MIOS: variants seen among roughly 807,000 people sequenced by gnomAD.
MIOS encodes meiosis regulator for oocyte development.
In MIOS, 52 loss-of-function variants were observed where a neutral mutation model predicts 96.9. The observed-to-expected ratio is 0.54, with a 90% CI of 0.43 to 0.68. The LOEUF (loss-of-function observed/expected upper bound fraction) is 0.68, where lower values mean the gene tolerates loss of function less well. Among genes scored for constraint, MIOS ranks in the 30% least tolerant of loss-of-function variants. The pLI is 0.00. For synonymous variants in MIOS, 397 were observed against 359.5 expected (o/e 1.10, Z -1.18); for missense variants, 1,005 against 1,052.8 (o/e 0.95, Z 0.63).
chr7:7,592,088 G>A (rs112047858), intron 9 of MIOS, among the ~76,000 whole-genome samples: 5,155 of 151,802 alleles, frequency 0.034, 292 homozygotes, highest in African/African-American at 0.12. Flanking sequence ...TCAAGCATTC[G>A]AGTGATTCTC....
intron 9 of MIOS, among the ~76,000 whole-genome samples, chr7:7,592,268 C>A (rs1299359769): frequency 6.6e-6 from 1 of 152,210 alleles, no homozygotes; most frequent in African/African-American, 2.4e-5. Context: ...GGATTACAGG[C>A]GCAAGCCGCT....
chr7:7,604,491 A>C (rs1027756551), intron 11 of MIOS, among the ~76,000 whole-genome samples: 3 of 152,116 alleles, frequency 2.0e-5, no homozygotes, highest in African/African-American at 7.3e-5. Context: ...CAAGTGCTAG[A>C]AATGTTACAG....
intron 5 of MIOS, among the ~76,000 whole-genome samples, chr7:7,577,084 A>G (rs1783559426): frequency 6.6e-6 from 1 of 152,214 alleles, no homozygotes; most frequent in South Asian, 2.1e-4. Flanking sequence ...TGTCAGAAAT[A>G]AATGATATTT....
At chr7:7,604,509 G>A (rs2108064) in intron 11 of MIOS, among the ~76,000 whole-genome samples, 145,120 of 151,988 alleles carry the variant, frequency 0.95, 69,258 homozygotes, top group East Asian at 1. Flanking sequence ...CAGTAAAGAA[G>A]ACAAAAATCG....
rs1784593384 is a variant in MIOS at position 7,608,725 on chromosome 7, T to C, written c.*1633T>C. ...AAATATGAAAGTCAGCTTTAAGTAA[T>C]GTCAGACTCATATGCATTTTCATTC... On this transcript the variant is annotated 3_prime_UTR_variant, in exon 13 of 13. Coordinates refer to ENST00000340080, the MANE Select transcript of MIOS (RefSeq NM_019005.4). The C allele has an allele frequency of 6.6e-6, 1 of 152,108 alleles. No homozygotes were observed. Among genetic ancestry groups the C allele is most frequent in the Non-Finnish European group, 1.5e-5 (1 of 67,946 alleles). 9.4% of individuals were successfully genotyped at this position (152,108 alleles called of 1,614,324 possible).
chr7:7,595,500 C>T (rs1264400314), intron 10 of MIOS, among the ~76,000 whole-genome samples: 1 of 152,046 alleles, frequency 6.6e-6, no homozygotes, highest in Non-Finnish European at 1.5e-5. Context: ...AGCAGTATTA[C>T]CTATATCTAT....
At position 7,572,718 on chromosome 7, in the gene MIOS, A is replaced by T; in HGVS notation, c.243A>T (p.Gly81=). 1 of 1,614,156 alleles carries T rather than the reference A, an allele frequency of 6.2e-7. No homozygotes were observed. Among genetic ancestry groups the T allele is most frequent in the Non-Finnish European group, 8.5e-7 (1 of 1,180,010 alleles). ...ATCCTGAATGTCTGCTGGCAGTTGG[A>T]CAAGCAAATGGTCGAGTTGTACTTA... The part of the protein sequence containing the change: ...NYDPECLLAV[G]QANGRVVLTS... Residue 81 remains glycine, a synonymous_variant, in exon 4 of 13, where the codon GGA becomes GGT. Transcript: ENST00000340080. This position sits in a 1 kb window ranked among gnomAD's most constrained non-coding sequence, Gnocchi z 4.8.
chr7:7,596,232 A>T (rs775968339), intron 10 of MIOS, 25 bp from the exon 11 acceptor site: 1 of 1,602,322 alleles, frequency 6.2e-7, no homozygotes, highest in Non-Finnish European at 8.5e-7. Context: ...CATTACATTT[A>T]TTTTTTCTTT....
At chr7:7,594,855 CT>C in intron 9 of MIOS, 124 bp from the exon 10 acceptor site, 2 of 518,886 alleles carry the variant, frequency 3.9e-6, no homozygotes, top group Non-Finnish European at 5.5e-6. Context: ...TAGGAGCCAG[CT>C]TTTGGCAAAA....
At position 7,608,367 on chromosome 7, in the gene MIOS, G is replaced by A. The variant is rs1015470546; in HGVS notation, c.*1275G>A. ...TAAGAGCTTTCGTATTAGCAGTTTT[G>A]CCTTATAAAAACTAAGATTTGTCAG... On this transcript the variant is annotated 3_prime_UTR_variant, in exon 13 of 13. Coordinates refer to ENST00000340080, the MANE Select transcript of MIOS (RefSeq NM_019005.4). 2 of 151,978 alleles carry A rather than the reference G, an allele frequency of 1.3e-5. No homozygotes were observed. Among genetic ancestry groups the A allele is most frequent in the African/African-American group, 2.4e-5 (1 of 41,416 alleles). 9.4% of individuals were successfully genotyped at this position (151,978 alleles called of 1,614,324 possible).
intron 11 of MIOS, among the ~76,000 whole-genome samples, chr7:7,602,227 A>G: frequency 6.6e-6 from 1 of 152,222 alleles, no homozygotes; most frequent in Non-Finnish European, 1.5e-5. Context: ...TGGCCAGGGC[A>G]ATCAGACAGG....
In MIOS at chr7:7,572,598, A is replaced by G. The variant is rs1203794363; in HGVS notation, c.123A>G (p.Gly41=). 3 of 1,613,998 alleles carry G rather than the reference A, an allele frequency of 1.9e-6. No individual in the cohort carries two copies. Among genetic ancestry groups the G allele is most frequent in the East Asian group, 2.2e-5 (1 of 44,878 alleles). The change falls in exon 4 of 13, where the codon GGA becomes GGG. Residue 41 remains glycine (G), a synonymous_variant. Transcript: ENST00000340080. The surrounding 1 kb of genome is among the most constrained non-coding windows in gnomAD (Gnocchi z 4.8). ...CTGTGAATTCAGAACTCAAAGCTGG[A>G]TCTTTACGTTTATCTGAAGACTCTG... ...ESTVNSELKA[G]SLRLSEDSAA... is the part of the protein sequence containing the mutation.
chr7:7,587,166 A>C (rs1377957342), intron 7 of MIOS, among the ~76,000 whole-genome samples: 1 of 151,908 alleles, frequency 6.6e-6, no homozygotes, highest in Non-Finnish European at 1.5e-5. Context: ...ATGCACCACC[A>C]TGCCGGCTAA....
At chr7:7,571,729 C>T (rs969693985) in intron 3 of MIOS, among the ~76,000 whole-genome samples, 3 of 152,156 alleles carry the variant, frequency 2.0e-5, no homozygotes, top group Non-Finnish European at 2.9e-5. Context: ...AACTAATATA[C>T]GGCAGAGCTA....
At chr7:7,597,598 A>C (rs752811970) in intron 11 of MIOS, among the ~76,000 whole-genome samples, 9 of 148,626 alleles carry the variant, frequency 6.1e-5, no homozygotes, top group Non-Finnish European at 1.3e-4. Flanking sequence ...TATACATTGC[A>C]TACTGACCAC....
At position 7,588,497 on chromosome 7, in the gene MIOS, G is replaced by C; in HGVS notation, c.1819-1G>C. On this transcript the variant is annotated splice_acceptor_variant, in intron 7 of 12. Transcript: ENST00000340080. LOFTEE classifies it high-confidence loss of function. ...CTCCTTGCTTTTTCTCTTCTTTCCA[G>C]TATGAAAACAAAGTTGCAGTACGTG... The C allele has an allele frequency of 6.4e-7, 1 of 1,571,302 alleles. No individual in the cohort carries two copies. The highest frequency in any genetic ancestry group is 8.6e-7 in the Non-Finnish European group (1 of 1,156,620).
rs1157711361 is a variant in MIOS, at chr7:7,569,111, G to T, written c.-41+988G>T. On this transcript the variant is annotated intron_variant, in intron 3 of 12. Transcript: ENST00000340080. Reference sequence around the variant, plus strand: ...AAACATTGATTTTTCAATGAGATGGGAAAATGGCCCAGATCTCATGATGTC... The same window carrying T: ...AAACATTGATTTTTCAATGAGATGGTAAAATGGCCCAGATCTCATGATGTC... Among the ~76,000 whole-genome samples, 3 of 152,186 alleles carry T rather than the reference G, an allele frequency of 2.0e-5. No homozygotes were observed. The East Asian group carries it at 5.8e-4, about 29-fold the overall frequency.
chr7:7,604,563 A>T (rs1348037099), intron 11 of MIOS, among the ~76,000 whole-genome samples: 10 of 152,202 alleles, frequency 6.6e-5, no homozygotes, highest in African/African-American at 2.4e-4. Context: ...CACATTTTTT[A>T]AAAGTTAGAT....
intron 11 of MIOS, among the ~76,000 whole-genome samples, chr7:7,602,330 G>T (rs10236780): frequency 0.013 from 1,915 of 152,240 alleles, 31 homozygotes; most frequent in African/African-American, 0.043. Flanking sequence ...AATCCCCATT[G>T]TCTCAGCCCA....
Sources: gnomAD v4.1 joint callset for allele counts (sites outside exome capture counted in the v4.1 genomes callset) on GRCh38, gnomAD v4.1.1 for gene constraint, Gnocchi (gnomAD v3.1) non-coding constraint, MANE v1.5 for transcripts, NCBI Gene and HGNC (gene_info 2026-07-23, HGNC 2026-07-21) for gene names.